The following CDH13 variants were observed in gnomAD, a reference collection of about 807,000 sequenced individuals.
The protein encoded by CDH13 is cadherin 13.
In CDH13, 24 loss-of-function variants were observed where a neutral mutation model predicts 63.8. The observed-to-expected ratio is 0.38, with a 90% CI of 0.27 to 0.53. The LOEUF is 0.53. Among genes scored for constraint, CDH13 ranks in the 20% least tolerant of loss-of-function variants. CDH13 has a pLI of 0.85. For synonymous variants in CDH13, 503 were observed against 355.3 expected, an observed-to-expected ratio of 1.42 and a Z score of -4.67; for missense variants, 1,049 against 903.1, an observed-to-expected ratio of 1.16 and a Z score of -2.07.
At chr16:82,649,994 C>T (rs551162616) in intron 1 of CDH13, among the ~76,000 whole-genome samples, 13 of 152,106 alleles carry the variant, frequency 8.5e-5, no homozygotes, top group Non-Finnish European at 1.3e-4. Flanking sequence ...CCTTAGTCAT[C>T]ACAACAAGGA....
At chr16:83,769,735 C>G (rs1282819048) in intron 11 of CDH13, among the ~76,000 whole-genome samples, 1 of 152,080 alleles carries the variant, frequency 6.6e-6, no homozygotes, top group East Asian at 1.9e-4. Flanking sequence ...TGGAGATGTG[C>G]TTTGATCTGC....
At chr16:83,023,150 T>G (rs573063451) in intron 2 of CDH13, 2 of 152,178 alleles carry the variant, frequency 1.3e-5, no homozygotes, top group Non-Finnish European at 2.9e-5. Flanking sequence ...TCAATTGTGG[T>G]TTTGTCTCCC....
chr16:83,031,271 C>T (rs1184854525), intron 2 of CDH13, among the ~76,000 whole-genome samples: 14 of 146,000 alleles, frequency 9.6e-5, no homozygotes, highest in African/African-American at 3.0e-4. Flanking sequence ...TATACATGCG[C>T]ATGTATACAC....
At chr16:82,868,340 C>T (rs927463809) in intron 2 of CDH13, among the ~76,000 whole-genome samples, 1 of 152,108 alleles carries the variant, frequency 6.6e-6, no homozygotes, top group Non-Finnish European at 1.5e-5. Flanking sequence ...TTCCCTCCTA[C>T]CAATCCATTT....
At chr16:83,479,455 G>C (rs1278938035) in intron 6 of CDH13, among the ~76,000 whole-genome samples, 1 of 152,124 alleles carries the variant, frequency 6.6e-6, no homozygotes, top group Non-Finnish European at 1.5e-5. Flanking sequence ...AGGAGATCGA[G>C]ACCATCCTGG....
intron 2 of CDH13, among the ~76,000 whole-genome samples, chr16:82,936,258 G>A (rs796134894): frequency 1.3e-5 from 2 of 152,038 alleles, no homozygotes; most frequent in Admixed American, 6.6e-5. Flanking sequence ...ATTATTTGGG[G>A]TTGCTTTTTA....
intron 6 of CDH13, among the ~76,000 whole-genome samples, chr16:83,436,199 T>C (rs1304073862): frequency 6.6e-6 from 1 of 152,186 alleles, no homozygotes; most frequent in South Asian, 2.1e-4. Flanking sequence ...ATAAAAACTA[T>C]AGGGAACAAT....
Position 82,661,183 on chromosome 16 carries a change from C to G in CDH13, c.45+34046C>G, listed in dbSNP as rs769541405. Among the ~76,000 whole-genome samples the G allele has an allele frequency of 5.9e-4, 90 of 152,306 alleles. 1 individual carries two copies. Among genetic ancestry groups the G allele is most frequent in the African/African-American group, 2.1e-3 (86 of 41,562 alleles). ...TGGAGCAAACGGCTCATTGTTTACGCTGACCTAGTGAGGTTGGCTTCAAGC... is the reference window on the plus strand; with the variant it reads ...TGGAGCAAACGGCTCATTGTTTACGGTGACCTAGTGAGGTTGGCTTCAAGC... On this transcript the variant is annotated intron_variant, in intron 1 of 13. Transcript: ENST00000567109.
intron 1 of CDH13, among the ~76,000 whole-genome samples, chr16:82,819,998 C>T (rs115458750): frequency 0.015 from 2,307 of 152,128 alleles, 58 homozygotes; most frequent in African/African-American, 0.051. Flanking sequence ...CGAGAGACAG[C>T]GGCAGCAGTA....
At chr16:83,357,036 C>A (rs1377808113) in intron 6 of CDH13, among the ~76,000 whole-genome samples, 1 of 152,080 alleles carries the variant, frequency 6.6e-6, no homozygotes, top group Non-Finnish European at 1.5e-5. Flanking sequence ...TTATAAAAGG[C>A]TTCTAACATG....
chr16:83,682,430 T>C (rs1460151736), intron 10 of CDH13, among the ~76,000 whole-genome samples: 1 of 152,154 alleles, frequency 6.6e-6, no homozygotes, highest in Admixed American at 6.5e-5. Flanking sequence ...CCCAGGGCTG[T>C]GTTTTTCACA....
At chr16:83,029,803 G>C (rs931665529) in intron 2 of CDH13, among the ~76,000 whole-genome samples, 3 of 152,122 alleles carry the variant, frequency 2.0e-5, no homozygotes, top group Non-Finnish European at 2.9e-5. Flanking sequence ...TGCTTACTTT[G>C]TAAAAATTCA....
At chr16:83,156,909 A>G (rs765371149) in intron 4 of CDH13, among the ~76,000 whole-genome samples, 9 of 152,194 alleles carry the variant, frequency 5.9e-5, no homozygotes, top group Non-Finnish European at 8.8e-5. Flanking sequence ...TGCAGATGAA[A>G]ATAAGGTCTG....
chr16:83,730,909 G>A (rs28438556), intron 10 of CDH13, among the ~76,000 whole-genome samples: 28,147 of 149,660 alleles, frequency 0.19, 2,654 homozygotes, highest in African/African-American at 0.22. Context: ...CTGAGAACAT[G>A]CAGTATTTGG....
rs36019455 is a variant in CDH13 at position 82,786,435 on chromosome 16, GTTTTTT to G, written c.46-71912_46-71907del. 5.1e-5 allele frequency among the ~76,000 whole-genome samples: 6 copies of G among 118,014 alleles called. 1 individual carries two copies. The highest frequency in any genetic ancestry group is 1.7e-4 in the African/African-American group (5 of 29,740). 77.4% of individuals were successfully genotyped at this position (118,014 alleles called of 152,430 possible). ...CTTTGATCCTCCAAATCAGAAAACAGTTTTTTTTTTTTTTTTTTTTCCATAGTCTCA... is the reference window on the plus strand; with the variant it reads ...CTTTGATCCTCCAAATCAGAAAACAGTTTTTTTTTTTTTTCCATAGTCTCA... On this transcript the variant is annotated intron_variant, in intron 1 of 13. Coordinates refer to ENST00000567109, the MANE Select transcript of CDH13 (RefSeq NM_001257.5).
chr16:83,057,126 C>T (rs2031028677), intron 3 of CDH13, among the ~76,000 whole-genome samples: 1 of 152,006 alleles, frequency 6.6e-6, no homozygotes, highest in Non-Finnish European at 1.5e-5. Flanking sequence ...GCCACCACAC[C>T]CAGCTAATTT....
At chr16:83,317,486 G>A (rs1239154173) in intron 5 of CDH13, among the ~76,000 whole-genome samples, 4 of 152,120 alleles carry the variant, frequency 2.6e-5, no homozygotes, top group Non-Finnish European at 4.4e-5. Context: ...TGGAATCCAC[G>A]TTTGCTGGGG....
At chr16:83,077,542 C>G (rs1488144819) in intron 3 of CDH13, among the ~76,000 whole-genome samples, 1 of 152,118 alleles carries the variant, frequency 6.6e-6, no homozygotes, top group Admixed American at 6.5e-5. Context: ...GCATTCATTT[C>G]TCTTTGTTGC....
chr16:83,661,668 C>T (rs1311031611), intron 8 of CDH13, among the ~76,000 whole-genome samples: 1 of 152,092 alleles, frequency 6.6e-6, no homozygotes, highest in Admixed American at 6.5e-5. Flanking sequence ...TGCATATGTG[C>T]AGTTCTGTAT....
Sources: allele counts gnomAD v4.1 joint callset (sites outside exome capture counted in the v4.1 genomes callset), GRCh38; gene constraint gnomAD v4.1.1; transcripts MANE v1.5; gene names NCBI Gene and HGNC (gene_info 2026-07-23, HGNC 2026-07-21).